The following CYP2C8 variants were observed in gnomAD, a reference collection of about 807,000 sequenced individuals.
The protein encoded by CYP2C8 is cytochrome P450 2C8.
In CYP2C8, 51 loss-of-function variants were observed where a neutral mutation model predicts 41.3. The observed-to-expected ratio is 1.24, with a 90% CI of 0.99 to 1.56. The LOEUF is 1.56. Ranked by LOEUF, CYP2C8 falls within the 40% of genes most tolerant of loss-of-function variation. CYP2C8 has a pLI of 0.00. For missense variants in CYP2C8, 651 were observed against 579.9 expected (o/e 1.12, Z -1.26); for synonymous variants, 218 against 205.8 (o/e 1.06, Z -0.51).
At position 95,062,045 on chromosome 10, in the gene CYP2C8, G is replaced by A. The variant is rs542607207; in HGVS notation, c.642+2755C>T. Among the ~76,000 whole-genome samples, 106 of 152,276 alleles carry A rather than the reference G, an allele frequency of 7.0e-4. 1 individual carries two copies. In the South Asian group the frequency reaches 0.022, roughly 32 times the overall value. On this transcript the variant is annotated intron_variant, in intron 4 of 8. Coordinates refer to ENST00000371270, the MANE Select transcript of CYP2C8 (RefSeq NM_000770.3). ...TCTGTTCTTTTACATCTGCTGAGGA[G>A]TGCTTTACTTCCAACTATGTGGTCA...
intron 4 of CYP2C8, among the ~76,000 whole-genome samples, chr10:95,062,064 G>A (rs2033448638): frequency 6.6e-6 from 1 of 152,174 alleles, no homozygotes; most frequent in Admixed American, 6.5e-5. Context: ...TTCCAACTAT[G>A]TGGTCAATTT....
At chr10:95,066,157 T>C (rs11486213) in intron 3 of CYP2C8, among the ~76,000 whole-genome samples, 1 of 66,970 alleles carries the variant, frequency 1.5e-5, no homozygotes, top group Non-Finnish European at 3.6e-5. Context: ...AGAGAGAGTG[T>C]GTGTGTGTGT....
chr10:95,043,864 G>GCACA (rs58419621), intron 6 of CYP2C8, among the ~76,000 whole-genome samples: 9,210 of 139,214 alleles, frequency 0.066, 376 homozygotes, highest in Middle Eastern at 0.17. Context: ...ACTCACAGAA[G>GCACA]CACACACACA....
At position 95,058,347 on chromosome 10, in the gene CYP2C8, G is replaced by T; in HGVS notation, c.807C>A (p.Ile269=). ...NPRDFIDCFL[I]KMEQEKDNQK... is the part of the protein sequence containing the mutation. ...GCTAATATCTTACCTGCTCCATTTT[G>T]ATCAGGAAGCAATCGATAAAGTCCC... The change falls in exon 5 of 9, where the codon ATC becomes ATA. Residue 269 remains isoleucine (I), a synonymous_variant. Coordinates refer to ENST00000371270, the MANE Select transcript of CYP2C8 (RefSeq NM_000770.3). 2 of 1,613,094 alleles carry T rather than the reference G, an allele frequency of 1.2e-6. No homozygotes were observed. The highest frequency in any genetic ancestry group is 2.2e-5 in the South Asian group (2 of 91,008).
intron 1 of CYP2C8, chr10:95,068,569 GA>G: frequency 2.3e-6 from 3 of 1,283,742 alleles, no homozygotes; most frequent in Non-Finnish European, 3.0e-6. Context: ...GAACTTATTG[GA>G]TGAAATTTCT....
Position 95,069,484 on chromosome 10 carries a change from T to C in CYP2C8, c.-82A>G. On this transcript the variant is annotated 5_prime_UTR_variant, in exon 1 of 9. Coordinates refer to ENST00000371270, the MANE Select transcript of CYP2C8 (RefSeq NM_000770.3). ...ACACTCCCTGCTAATTTAGTGTGTG[T>C]CTCTTTGACATGTAAAGTAAACAAT... 2.6e-6 allele frequency: 3 copies of C among 1,138,510 alleles called. No individual in the cohort carries two copies. Among genetic ancestry groups the C allele is most frequent in the Non-Finnish European group, 3.9e-6 (3 of 760,064 alleles). The allele number at this position is 1,138,510 out of a possible 1,614,324, so 70.5% of individuals were successfully genotyped here. A position where few individuals can be genotyped will look rare whatever the true frequency, so the allele number is the denominator to read the frequency against.
intron 7 of CYP2C8, among the ~76,000 whole-genome samples, chr10:95,041,430 C>T (rs889867813): frequency 6.6e-6 from 1 of 152,186 alleles, no homozygotes; most frequent in East Asian, 1.9e-4. Flanking sequence ...TACTGCACAA[C>T]TTTTCTCCAA....
intron 7 of CYP2C8, 122 bp from the exon 8 acceptor site, chr10:95,039,160 A>G: frequency 1.2e-6 from 1 of 866,826 alleles, no homozygotes; most frequent in Non-Finnish European, 1.9e-6. Flanking sequence ...CCAGCCAGAC[A>G]CAGTAATTTA....
chr10:95,039,062 C>T, intron 7 of CYP2C8, 24 bp from the exon 8 acceptor site: 2 of 1,609,752 alleles, frequency 1.2e-6, no homozygotes, highest in East Asian at 4.5e-5. Flanking sequence ...AACAGATAAT[C>T]TGATTTATAA....
At chr10:95,045,436 T>G (rs1240984595) in intron 6 of CYP2C8, among the ~76,000 whole-genome samples, 1 of 152,190 alleles carries the variant, frequency 6.6e-6, no homozygotes, top group Non-Finnish European at 1.5e-5. Context: ...ACCACAGCAT[T>G]AGAGCATGGA....
intron 8 of CYP2C8, among the ~76,000 whole-genome samples, chr10:95,037,683 G>A (rs916320274): frequency 2.6e-5 from 4 of 152,028 alleles, no homozygotes; most frequent in Non-Finnish European, 5.9e-5. Context: ...GCACATTCTT[G>A]TTTCCTGTTC....
intron 8 of CYP2C8, among the ~76,000 whole-genome samples, chr10:95,038,363 C>T (rs2032926618): frequency 6.6e-6 from 1 of 152,176 alleles, no homozygotes; most frequent in Non-Finnish European, 1.5e-5. Context: ...GCAGAGTCCC[C>T]CTCTAGCCGC....
Position 95,069,395 on chromosome 10 carries a change from G to A in CYP2C8, c.8C>T (p.Pro3Leu). Residue 3 changes from proline to leucine, a missense_variant, in exon 1 of 9, where the codon CCT becomes CTT. Coordinates refer to ENST00000371270, the MANE Select transcript of CYP2C8 (RefSeq NM_000770.3). ME[P>L]FVVLVLCLSF... ...GAGACACAGCACCAGGACCACAAAA[G>A]GTTCCATTGAAGCCTTCTCTTCTTA... 6.2e-7 allele frequency: 1 copy of A among 1,614,064 alleles called. No individual in the cohort carries two copies. Among genetic ancestry groups the A allele is most frequent in the Non-Finnish European group, 8.5e-7 (1 of 1,179,982 alleles).
rs763268825 is a variant in CYP2C8 at position 95,038,877 on chromosome 10, T to C, written c.1291+20A>G. ...GTTCTCTCTTTCCTTTAAATACAAA[T>C]GGAAACGAGTTTCTATTACCTGCTG... On this transcript the variant is annotated intron_variant, in intron 8 of 8. Transcript: ENST00000371270. 1.2e-6 allele frequency: 2 copies of C among 1,613,010 alleles called. No individual in the cohort carries two copies. Among genetic ancestry groups the C allele is most frequent in the South Asian group, 2.2e-5 (2 of 91,056 alleles).
chr10:95,055,947 G>C (rs900730240), intron 5 of CYP2C8, among the ~76,000 whole-genome samples: 3 of 151,992 alleles, frequency 2.0e-5, no homozygotes, highest in Non-Finnish European at 4.4e-5. Flanking sequence ...ACAAAAATTA[G>C]CTGGGTGTGG....
chr10:95,063,393 C>A (rs1589447077), intron 4 of CYP2C8, among the ~76,000 whole-genome samples: 1 of 152,168 alleles, frequency 6.6e-6, no homozygotes, highest in Non-Finnish European at 1.5e-5. Flanking sequence ...TTTGTTTGAT[C>A]TTCAATCACT....
intron 3 of CYP2C8, 96 bp from the exon 4 acceptor site, chr10:95,065,056 C>T (rs1564742108): frequency 8.9e-7 from 1 of 1,125,694 alleles, no homozygotes; most frequent in African/African-American, 1.6e-5. Flanking sequence ...AAATTTTAAA[C>T]AATATCTTAC....
chr10:95,038,067 T>G (rs11572171), intron 8 of CYP2C8, among the ~76,000 whole-genome samples: 1,888 of 152,246 alleles, frequency 0.012, 57 homozygotes, highest in African/African-American at 0.044. Context: ...GTATCTACAG[T>G]GCCAAATATA....
At position 95,039,083 on chromosome 10, in the gene CYP2C8, A is replaced by G. The variant is rs764146870; in HGVS notation, c.1150-45T>C. The G allele has an allele frequency of 1.9e-6, 3 of 1,555,812 alleles. No individual in the cohort carries two copies. The Admixed American group carries it at 5.0e-5, about 26-fold the overall frequency. On this transcript the variant is annotated intron_variant, in intron 7 of 8. Transcript: ENST00000371270. ...TAATCTGATTTATAAAGAAGTCCAG[A>G]AGTGAGGAGAAGTAGTGGACATCAC... is the stretch of plus-strand genomic sequence containing the variant.
Sources: gnomAD v4.1 joint callset for allele counts (sites outside exome capture counted in the v4.1 genomes callset) on GRCh38, gnomAD v4.1.1 for gene constraint, MANE v1.5 for transcripts, NCBI Gene and HGNC (gene_info 2026-07-23, HGNC 2026-07-21) for gene names.